The following RNF114 variants were observed in gnomAD, a reference collection of about 807,000 sequenced individuals.
RNF114 encodes the protein ring finger protein 114.
In RNF114, 6 loss-of-function variants were observed where a neutral mutation model predicts 28.4. The observed-to-expected ratio is 0.21, with a 90% confidence interval of 0.12 to 0.42. RNF114 has a LOEUF of 0.42. Ranked by LOEUF, RNF114 falls within the 10% of genes least tolerant of loss-of-function variation. RNF114 has a pLI of 1.00. For synonymous variants in RNF114, 115 were observed against 116.7 expected (o/e 0.99, Z 0.09); for missense variants, 249 against 311.7 (o/e 0.80, Z 1.51).
At position 49,948,124 on chromosome 20, in the gene RNF114, C is replaced by T. The variant is rs78101287; in HGVS notation, c.514-1124C>T. ...TTCTTAACTCTGCGTTTCTCCCTTCCCTTTAGAAGCCATCTCCTTTTCAGT... is the reference window on the plus strand; with the variant it reads ...TTCTTAACTCTGCGTTTCTCCCTTCTCTTTAGAAGCCATCTCCTTTTCAGT... On this transcript the variant is annotated intron_variant, in intron 4 of 5. Transcript: ENST00000244061. 4.1e-3 allele frequency among the ~76,000 whole-genome samples: 622 copies of T among 152,124 alleles called. 5 individuals are homozygous for T. Among genetic ancestry groups the T allele is most frequent in the African/African-American group, 0.015 (605 of 41,512 alleles).
At chr20:49,948,518 ACCT>A (rs1419965257) in intron 4 of RNF114, among the ~76,000 whole-genome samples, 1 of 150,380 alleles carries the variant, frequency 6.6e-6, no homozygotes, top group African/African-American at 2.5e-5. Flanking sequence ...GCTCACTGCA[ACCT>A]CCACTTCCAG....
chr20:49,952,036 G>T, intron 5 of RNF114, 40 bp from the exon 6 acceptor site: 1 of 1,495,370 alleles, frequency 6.7e-7, no homozygotes, highest in Admixed American at 1.7e-5. Context: ...TTTGCATCTA[G>T]AAACAGTTGC....
At chr20:49,942,040 G>C (rs996557985) in intron 2 of RNF114, 12 of 256,648 alleles carry the variant, frequency 4.7e-5, no homozygotes, top group African/African-American at 2.1e-4. Context: ...CGAGGCAAGA[G>C]CTTGAGGCTA....
chr20:49,946,294 G>A, intron 4 of RNF114, 44 bp downstream of exon 4: 2 of 1,041,870 alleles, frequency 1.9e-6, no homozygotes, highest in South Asian at 2.9e-5. Flanking sequence ...TTAAGGGAAA[G>A]GATCAAGCTT....
At chr20:49,946,681 G>C (rs528904177) in intron 4 of RNF114, among the ~76,000 whole-genome samples, 1 of 152,058 alleles carries the variant, frequency 6.6e-6, no homozygotes, top group Admixed American at 6.5e-5. Context: ...GGCAGGGATG[G>C]TACACGAGTT....
intron 2 of RNF114, chr20:49,944,884 CAA>C (rs759990118): frequency 5.3e-4 from 45 of 84,692 alleles, no homozygotes; most frequent in Non-Finnish European, 5.2e-4. Context: ...GACTCTGTCT[CAA>C]AAAAAAAAAA....
chr20:49,939,912 G>A (rs1306966467), intron 1 of RNF114, among the ~76,000 whole-genome samples: 2 of 151,822 alleles, frequency 1.3e-5, no homozygotes, highest in Non-Finnish European at 2.9e-5. Flanking sequence ...AAATTAGCTG[G>A]GTGTGGTCAT....
At position 49,952,258 on chromosome 20, in the gene RNF114, T is replaced by C. The variant is rs535638030; in HGVS notation, c.*117T>C. On this transcript the variant is annotated 3_prime_UTR_variant, in exon 6 of 6. Transcript: ENST00000244061. ...ACAGACCTGAAAATGAGCCATGGCA[T>C]TGGGACAGGGTCACTTCTGACAGGG... 38 of 924,516 alleles carry C rather than the reference T, an allele frequency of 4.1e-5. No individual in the cohort carries two copies. In the Middle Eastern group the frequency reaches 6.3e-4, roughly 15 times the overall value. 57.3% of individuals were successfully genotyped at this position (924,516 alleles called of 1,614,324 possible).
intron 4 of RNF114, among the ~76,000 whole-genome samples, chr20:49,948,901 C>T (rs2090345385): frequency 6.6e-6 from 1 of 152,186 alleles, no homozygotes; most frequent in African/African-American, 2.4e-5. Flanking sequence ...GGACATTGCT[C>T]ATCGGCTTAT....
intron 2 of RNF114, chr20:49,944,564 A>C (rs1298745776): frequency 6.6e-6 from 1 of 152,076 alleles, no homozygotes; most frequent in Admixed American, 6.6e-5. Flanking sequence ...TTTCTGTTTT[A>C]CTGTTGCACA....
intron 2 of RNF114, 119 bp downstream of exon 2, chr20:49,941,830 A>G: frequency 2.0e-6 from 2 of 1,006,400 alleles, no homozygotes; most frequent in South Asian, 3.0e-5. Flanking sequence ...GCACGCGTGC[A>G]TGCCAATTAC....
intron 1 of RNF114, 48 bp downstream of exon 1, chr20:49,936,600 G>T (rs777670545): frequency 1.3e-6 from 2 of 1,562,804 alleles, no homozygotes; most frequent in Admixed American, 3.8e-5. Flanking sequence ...ACTGGGAAGG[G>T]AATGGAGCCG....
chr20:49,943,079 G>A (rs905805460), intron 2 of RNF114, among the ~76,000 whole-genome samples: 13 of 151,168 alleles, frequency 8.6e-5, no homozygotes, highest in African/African-American at 3.2e-4. Context: ...TTAACACTTC[G>A]GTATGGATGC....
Position 49,947,769 on chromosome 20 carries a change from G to GTTTTTTTTTTTTTTTTTTT in RNF114, c.514-1457_514-1439dup, listed in dbSNP as rs71190519. Among the ~76,000 whole-genome samples, 8 of 50,422 alleles carry GTTTTTTTTTTTTTTTTTTT rather than the reference G, an allele frequency of 1.6e-4. 1 individual carries two copies. The highest frequency in any genetic ancestry group is 3.0e-4 in the Admixed American group (1 of 3,340). 33.1% of individuals were successfully genotyped at this position (50,422 alleles called of 152,430 possible). A position where few individuals can be genotyped will look rare whatever the true frequency, so the allele number is the denominator to read the frequency against. On this transcript the variant is annotated intron_variant, in intron 4 of 5. Coordinates refer to ENST00000244061, the MANE Select transcript of RNF114 (RefSeq NM_018683.4). ...GTTCTGTCTTCCTCTCCCTCTGCAA[G>GTTTTTTTTTTTTTTTTTTT]TTTTTTTTTTTTTTTTTTTTTTTTT...
chr20:49,951,562 G>A (rs2090355387), intron 5 of RNF114, among the ~76,000 whole-genome samples: 1 of 152,122 alleles, frequency 6.6e-6, no homozygotes, highest in Non-Finnish European at 1.5e-5. Context: ...CCATTTAAGG[G>A]AGGCATCCTT....
intron 4 of RNF114, among the ~76,000 whole-genome samples, chr20:49,948,388 C>T (rs528251825): frequency 1.3e-5 from 2 of 151,098 alleles, no homozygotes; most frequent in South Asian, 4.2e-4. Flanking sequence ...CTGCCGCCTT[C>T]TGGCCTTTTC....
intron 1 of RNF114, among the ~76,000 whole-genome samples, chr20:49,940,252 GAA>G (rs375039784): frequency 6.6e-6 from 1 of 152,054 alleles, no homozygotes; most frequent in Non-Finnish European, 1.5e-5. Context: ...ATTAGGCCTA[GAA>G]TAGTCTTCCC....
intron 2 of RNF114, among the ~76,000 whole-genome samples, chr20:49,943,651 CTTTTTTTTTTTTTT>C (rs60425763): frequency 1.4e-5 from 1 of 72,122 alleles, no homozygotes; most frequent in African/African-American, 5.9e-5. Context: ...CTACTGTCTT[CTTTTTTTTTTTTTT>C]TTTTTTTTTT....
Position 49,952,168 on chromosome 20 carries a change from C to T in RNF114, c.*27C>T, listed in dbSNP as rs903165141. On this transcript the variant is annotated 3_prime_UTR_variant, in exon 6 of 6. Transcript: ENST00000244061. ...CAGAGTCCGTGCTTGCTATCTGTCT[C>T]ATGTTACAGAGCTTCCATTACATAT... 6.3e-7 allele frequency: 1 copy of T among 1,594,830 alleles called. No individual in the cohort carries two copies. Among genetic ancestry groups the T allele is most frequent in the Admixed American group, 1.7e-5 (1 of 59,984 alleles).
Sources: allele counts gnomAD v4.1 joint callset (sites outside exome capture counted in the v4.1 genomes callset), GRCh38; gene constraint gnomAD v4.1.1; transcripts MANE v1.5; gene names NCBI Gene and HGNC (gene_info 2026-07-23, HGNC 2026-07-21).